CACNA1E: variants seen among roughly 807,000 people sequenced by gnomAD.
CACNA1E encodes voltage-dependent R-type calcium channel subunit alpha-1E.
In CACNA1E, 40 loss-of-function variants were observed where a neutral mutation model predicts 259.2. The observed-to-expected ratio is 0.15, with a 90% CI of 0.12 to 0.20. CACNA1E has a LOEUF of 0.20. Among genes scored for constraint, CACNA1E ranks in the 10% least tolerant of loss-of-function variants. The pLI is 1.00. For synonymous variants in CACNA1E, 1,104 were observed against 1,138.5 expected, an observed-to-expected ratio of 0.97 and a Z score of 0.61; for missense variants, 1,874 against 3,040.1, an observed-to-expected ratio of 0.62 and a Z score of 9.02.
intron 2 of CACNA1E, among the ~76,000 whole-genome samples, chr1:181,450,784 A>T (rs1388276899): frequency 6.6e-6 from 1 of 152,212 alleles, no homozygotes. Context: ...TTTAGCTGTG[A>T]TACAGAGAAC....
chr1:181,757,168 A>G (rs1356522271), intron 30 of CACNA1E, 42 bp downstream of exon 30: 1 of 1,424,716 alleles, frequency 7.0e-7, no homozygotes, highest in Non-Finnish European at 9.9e-7. Context: ...CAGAGGCTCC[A>G]GAAAGGATTC....
rs750465912 is a variant in CACNA1E at position 181,798,690 on chromosome 1, C to T, written c.6798C>T (p.Ile2266=). 1.2e-5 allele frequency: 19 copies of T among 1,608,966 alleles called. No homozygotes were observed. Among genetic ancestry groups the T allele is most frequent in the African/African-American group, 6.7e-5 (5 of 74,856 alleles). The change falls in exon 48 of 48, where the codon ATC becomes ATT. Residue 2266 remains isoleucine (I), a synonymous_variant. Transcript: ENST00000367573. This position sits in a 1 kb window ranked among gnomAD's most constrained non-coding sequence, Gnocchi z 4.2. ...VATSLGRSNT[I]GSAPPLRHSW... is the part of the protein sequence containing the mutation. ...CTAGCCTGGGCCGTTCCAACACCAT[C>T]GGCTCAGCCCCACCCCTGCGGCATA...
At chr1:181,610,538 C>T (rs528974796) in intron 6 of CACNA1E, among the ~76,000 whole-genome samples, 9 of 152,300 alleles carry the variant, frequency 5.9e-5, no homozygotes, top group East Asian at 3.9e-4. Flanking sequence ...CCTTGCAATA[C>T]AGCAAAAAGT....
Position 181,749,944 on chromosome 1 carries a change from GTCTC to G in CACNA1E, c.3720-526_3720-523del, listed in dbSNP as rs147555458. Among the ~76,000 whole-genome samples, 776 of 152,346 alleles carry G rather than the reference GTCTC, an allele frequency of 5.1e-3. 7 individuals are homozygous for G. Among genetic ancestry groups the G allele is most frequent in the African/African-American group, 0.018 (743 of 41,572 alleles). On this transcript the variant is annotated intron_variant, in intron 25 of 47. Coordinates refer to ENST00000367573, the MANE Select transcript of CACNA1E (RefSeq NM_001205293.3). ...CTGAGCTTCTAAGAGACATCAGTGA[GTCTC>G]TCTCTGAGTGGTTGCGTGTCCCTCT...
intron 6 of CACNA1E, among the ~76,000 whole-genome samples, chr1:181,597,418 T>C (rs1460809912): frequency 6.6e-6 from 1 of 152,226 alleles, no homozygotes; most frequent in African/African-American, 2.4e-5. Context: ...TTTCGCATTG[T>C]GTTACCTCTC....
At chr1:181,713,498 A>C (rs1653592716) in intron 8 of CACNA1E, among the ~76,000 whole-genome samples, 1 of 152,208 alleles carries the variant, frequency 6.6e-6, no homozygotes, top group Non-Finnish European at 1.5e-5. Flanking sequence ...AATAATGGCC[A>C]TCCGGTGAGT....
In CACNA1E at chr1:181,758,562, G is replaced by T. The variant is rs1043247950; in HGVS notation, c.4495-196G>T. Among the ~76,000 whole-genome samples, 10 of 152,134 alleles carry T rather than the reference G, an allele frequency of 6.6e-5. No individual in the cohort carries two copies. The highest frequency in any genetic ancestry group is 2.4e-4 in the African/African-American group (10 of 41,420). Reference sequence around the variant, plus strand: ...TGCTATTAAGTCTGGTGGGGCGTGGGTCTGTGTTTTCCTTTGTTTTGTTGG... The same window carrying T: ...TGCTATTAAGTCTGGTGGGGCGTGGTTCTGTGTTTTCCTTTGTTTTGTTGG... On this transcript the variant is annotated intron_variant, in intron 31 of 47. Coordinates refer to ENST00000367573, the MANE Select transcript of CACNA1E (RefSeq NM_001205293.3). The surrounding 1 kb of genome is among the most constrained non-coding windows in gnomAD (Gnocchi z 4.2).
chr1:181,446,814 C>T (rs1558011228), intron 2 of CACNA1E, among the ~76,000 whole-genome samples: 2 of 152,080 alleles, frequency 1.3e-5, no homozygotes, highest in Non-Finnish European at 2.9e-5. Flanking sequence ...GCTGGTGGGG[C>T]TGTGGCACCT....
At chr1:181,679,419 C>T (rs559880037) in intron 7 of CACNA1E, among the ~76,000 whole-genome samples, 1 of 152,184 alleles carries the variant, frequency 6.6e-6, no homozygotes, top group African/African-American at 2.4e-5. Flanking sequence ...TGCTGCCCCT[C>T]GGAAAATGCA....
chr1:181,617,572 C>G (rs1655339309), intron 6 of CACNA1E, among the ~76,000 whole-genome samples: 1 of 152,168 alleles, frequency 6.6e-6, no homozygotes, highest in African/African-American at 2.4e-5. Flanking sequence ...CTGTTTCATG[C>G]CAATCCCCCT....
At chr1:181,564,683 C>T (rs1344513391) in intron 3 of CACNA1E, among the ~76,000 whole-genome samples, 1 of 152,156 alleles carries the variant, frequency 6.6e-6, no homozygotes, top group Non-Finnish European at 1.5e-5. Context: ...GTGACCAGAT[C>T]CATCAGAGGA....
intron 18 of CACNA1E, 61 bp from the exon 19 acceptor site, chr1:181,731,114 T>G: frequency 7.5e-7 from 1 of 1,328,614 alleles, no homozygotes; most frequent in Non-Finnish European, 1.1e-6. Flanking sequence ...TGCTGGTGGC[T>G]GTGGGGCTTG....
At chr1:181,462,823 A>T (rs938668865) in intron 2 of CACNA1E, among the ~76,000 whole-genome samples, 1 of 152,242 alleles carries the variant, frequency 6.6e-6, no homozygotes, top group Non-Finnish European at 1.5e-5. Context: ...GTATTATTAC[A>T]TGCATACTGA....
At chr1:181,706,291 G>A (rs926119622) in intron 7 of CACNA1E, among the ~76,000 whole-genome samples, 9 of 152,054 alleles carry the variant, frequency 5.9e-5, no homozygotes, top group Non-Finnish European at 1.2e-4. Context: ...ATCATCATCC[G>A]AATCACCCCA....
At chr1:181,503,530 C>T (rs1344993822) in intron 1 of CACNA1E, among the ~76,000 whole-genome samples, 1 of 152,164 alleles carries the variant, frequency 6.6e-6, no homozygotes, top group African/African-American at 2.4e-5. Flanking sequence ...CTTTTAAATC[C>T]TTTATTGGAG....
intron 7 of CACNA1E, among the ~76,000 whole-genome samples, chr1:181,658,193 G>A (rs756757080): frequency 1.7e-4 from 26 of 152,238 alleles, no homozygotes; most frequent in Non-Finnish European, 3.4e-4. Flanking sequence ...TTTGAGTTGT[G>A]TCTTAACAGA....
intron 6 of CACNA1E, among the ~76,000 whole-genome samples, chr1:181,626,764 C>T (rs1309263615): frequency 6.6e-6 from 1 of 152,202 alleles, no homozygotes; most frequent in Non-Finnish European, 1.5e-5. Context: ...GAAGAGAAAG[C>T]ACTTCAGAAA....
chr1:181,354,774 G>A lies in CACNA1E; in HGVS notation c.-15+36651G>A, dbSNP rs575320224. Among the ~76,000 whole-genome samples the A allele has an allele frequency of 7.2e-5, 11 of 152,138 alleles. No homozygotes were observed. In the South Asian group the frequency reaches 1.2e-3, roughly 17 times the overall value. On this transcript the variant is annotated intron_variant, in intron 1 of 11. Coordinates refer to the CACNA1E transcript ENST00000524607. ...GAGGGTTTGGGGGGATAATGGGTGA[G>A]GGCAAGGGTGCCAAGTTCCACTGTG...
chr1:181,385,755 C>T, intron 1 of CACNA1E, among the ~76,000 whole-genome samples: 1 of 150,796 alleles, frequency 6.6e-6, no homozygotes, highest in African/African-American at 2.4e-5. Flanking sequence ...TTCCTCTTTC[C>T]TCCTCTCCTC....
Sources: gnomAD v4.1 joint callset for allele counts (sites outside exome capture counted in the v4.1 genomes callset) on GRCh38, gnomAD v4.1.1 for gene constraint, Gnocchi (gnomAD v3.1) non-coding constraint, MANE v1.5 for transcripts, NCBI Gene and HGNC (gene_info 2026-07-23, HGNC 2026-07-21) for gene names.